Variants in GC observed in about 807,000 individuals in gnomAD.
GC encodes the protein GC vitamin D binding protein, also known as vitamin D-binding protein.
GC carries 43 observed loss-of-function variants against 56.7 expected under a neutral mutation model. The observed-to-expected ratio is 0.76, with a 90% CI of 0.59 to 0.98. The LOEUF (loss-of-function observed/expected upper bound fraction) is 0.98, where lower values mean the gene tolerates loss of function less well. Ranked by LOEUF, GC falls within the 50% of genes least tolerant of loss-of-function variation. The pLI, the probability that GC is intolerant of heterozygous loss-of-function variation, is 0.00. For missense variants in GC, 529 were observed against 545.9 expected, an observed-to-expected ratio of 0.97 and a Z score of 0.31; for synonymous variants, 216 against 202.7, an observed-to-expected ratio of 1.07 and a Z score of -0.56.
chr4:71,781,970 T>G (rs1439824633), intron 1 of GC, among the ~76,000 whole-genome samples: 1 of 151,826 alleles, frequency 6.6e-6, no homozygotes, highest in East Asian at 1.9e-4. Flanking sequence ...AGGGTCAATA[T>G]GTTTAGATAC....
upstream of GC, among the ~76,000 whole-genome samples, chr4:71,805,374 G>T: frequency 6.6e-6 from 1 of 152,142 alleles, no homozygotes; most frequent in East Asian, 1.9e-4. Flanking sequence ...GCAATCTGTT[G>T]CTGAGTTCCT....
intron 1 of GC, among the ~76,000 whole-genome samples, chr4:71,798,162 A>G (rs1168849964): frequency 6.6e-6 from 1 of 152,172 alleles, no homozygotes; most frequent in African/African-American, 2.4e-5. Context: ...ATTTGATTTT[A>G]ATTTATAGTT....
At chr4:71,795,980 T>C (rs1289876941) in intron 1 of GC, among the ~76,000 whole-genome samples, 4 of 152,238 alleles carry the variant, frequency 2.6e-5, no homozygotes, top group Non-Finnish European at 4.4e-5. Flanking sequence ...TTTTGAATAT[T>C]GGCCCCCACT....
chr4:71,772,818 G>T (rs1160055924), intron 1 of GC, among the ~76,000 whole-genome samples: 2 of 152,074 alleles, frequency 1.3e-5, no homozygotes, highest in Non-Finnish European at 2.9e-5. Context: ...GTTGCACCAT[G>T]ATCTTTCAGG....
At chr4:71,797,331 G>C (rs912903860) in intron 1 of GC, among the ~76,000 whole-genome samples, 1 of 152,250 alleles carries the variant, frequency 6.6e-6, no homozygotes, top group Non-Finnish European at 1.5e-5. Flanking sequence ...GCTGAGCTGT[G>C]GTGGGCTCTG....
At chr4:71,762,197 G>A (rs751191857) in intron 6 of GC, among the ~76,000 whole-genome samples, 5 of 152,204 alleles carry the variant, frequency 3.3e-5, no homozygotes, top group African/African-American at 7.2e-5. Context: ...TTGCAGCAAC[G>A]TGAGCTGGAT....
rs112467905 is a variant in GC at position 71,791,181 on chromosome 4, C to T, written c.22-7127G>A. On this transcript the variant is annotated intron_variant, in intron 1 of 13. Transcript: ENST00000504199. ...ATTTAAAAAGCTTACAACAGTATAT[C>T]ATTTACCAATCCCATTGTTTGTACT... 1.7e-4 allele frequency among the ~76,000 whole-genome samples: 26 copies of T among 152,210 alleles called. 2 individuals are homozygous for T. Among genetic ancestry groups the T allele is most frequent in the African/African-American group, 6.3e-4 (26 of 41,540 alleles).
At chr4:71,757,358 C>A (rs144993234) in intron 7 of GC, among the ~76,000 whole-genome samples, 1 of 152,040 alleles carries the variant, frequency 6.6e-6, no homozygotes, top group South Asian at 2.1e-4. Flanking sequence ...CACAGACATG[C>A]ATTTTTAATG....
intron 3 of GC, 33 bp from the exon 4 acceptor site, chr4:71,765,676 A>G: frequency 7.5e-7 from 1 of 1,324,896 alleles, no homozygotes; most frequent in South Asian, 1.2e-5. Context: ...ACTCATATAT[A>G]TATGTAAATT....
rs201290152 is a variant in GC at position 71,756,802 on chromosome 4, A to G, written c.944T>C (p.Met315Thr). ...AAGCTCGGGGAGTTGGGCAGCTGGC[A>G]TGAAGTAAGTGCACACAAAAACGTC... ...AMDVFVCTYF[M>T]PAAQLPELPD... Residue 315 changes from methionine (M) to threonine (T), a missense_variant, in exon 8 of 13, where the codon ATG (methionine) becomes ACG (threonine). Transcript: ENST00000273951. 6.2e-7 allele frequency: 1 copy of G among 1,613,718 alleles called. No individual in the cohort carries two copies. Among genetic ancestry groups the G allele is most frequent in the African/African-American group, 1.3e-5 (1 of 75,048 alleles).
chr4:71,768,352 C>G lies in GC; in HGVS notation c.210G>C (p.Leu70Phe). ...VSQLVKEVVS[L>F]TEACCAEGAD... Reference sequence around the variant, plus strand: ...CCCCTTCCGCACAGCAGGCTTCGGTCAAGGAGACAACTTCCTTCACAAGTT... The same window carrying G: ...CCCCTTCCGCACAGCAGGCTTCGGTGAAGGAGACAACTTCCTTCACAAGTT... Residue 70 changes from leucine (L) to phenylalanine (F), a missense_variant, in exon 3 of 13, where the codon TTG (leucine) becomes TTC (phenylalanine). Physicochemically the swap from Leu to Phe is conservative, Grantham distance 22 (BLOSUM62 0). Transcript: ENST00000273951. 1 of 1,613,434 alleles carries G rather than the reference C, an allele frequency of 6.2e-7. No homozygotes were observed. Among genetic ancestry groups the G allele is most frequent in the African/African-American group, 1.3e-5 (1 of 75,018 alleles).
chr4:71,803,976 C>T, exon 1 of GC: 2 of 1,421,844 alleles, frequency 1.4e-6, no homozygotes, highest in Middle Eastern at 1.7e-4. Context: ...TCCAGATCAT[C>T]ACCAGTGGTA....
At chr4:71,799,842 A>T (rs1450180725) in intron 1 of GC, among the ~76,000 whole-genome samples, 1 of 152,182 alleles carries the variant, frequency 6.6e-6, no homozygotes, top group Non-Finnish European at 1.5e-5. Flanking sequence ...AGTCTAAGCC[A>T]TAGTGTGGCT....
chr4:71,744,304 C>A (rs13142062), intron 12 of GC, among the ~76,000 whole-genome samples: 62,838 of 136,824 alleles, frequency 0.46, 16,399 homozygotes, highest in Middle Eastern at 0.61. Flanking sequence ...AAAAAAAAAA[C>A]CCAAATTAGC....
At position 71,763,501 on chromosome 4, in the gene GC, C is replaced by G; in HGVS notation, c.608G>C (p.Arg203Thr). The G allele has an allele frequency of 6.4e-7, 1 of 1,567,130 alleles. No homozygotes were observed. Among genetic ancestry groups the G allele is most frequent in the Non-Finnish European group, 8.8e-7 (1 of 1,138,494 alleles). Residue 203 changes from arginine to threonine, a missense_variant and splice_region_variant, in exon 6 of 13, where the codon AGA becomes ACA. Coordinates refer to ENST00000273951, the MANE Select transcript of GC (RefSeq NM_000583.4). ...ASPTVCFLKE[R>T]LQLKHLSLLT... is the part of the protein sequence containing the mutation. ...AAGTGATAAATGTTTAAGCTGGAGTCTCTAGAAAACAAGTGAAAGAATCTC... is the reference window on the plus strand; with the variant it reads ...AAGTGATAAATGTTTAAGCTGGAGTGTCTAGAAAACAAGTGAAAGAATCTC...
intron 1 of GC, among the ~76,000 whole-genome samples, chr4:71,770,119 C>T (rs1288772935): frequency 6.6e-6 from 1 of 152,084 alleles, no homozygotes; most frequent in South Asian, 2.1e-4. Context: ...TGACAGGGAG[C>T]TCTTGGAATT....
intron 1 of GC, among the ~76,000 whole-genome samples, chr4:71,797,469 G>T (rs927486816): frequency 2.2e-4 from 34 of 152,364 alleles, no homozygotes; most frequent in African/African-American, 8.2e-4. Flanking sequence ...AGTGAGCAAG[G>T]CTCCATGGGC....
intron 11 of GC, among the ~76,000 whole-genome samples, chr4:71,747,485 G>GTA (rs1458797050): frequency 6.6e-6 from 1 of 152,180 alleles, no homozygotes; most frequent in Non-Finnish European, 1.5e-5. Flanking sequence ...TAATACTACA[G>GTA]GTGCTAAGTA....
intron 8 of GC, 68 bp downstream of exon 8, chr4:71,756,643 TG>T: frequency 9.9e-7 from 1 of 1,011,242 alleles, no homozygotes; most frequent in Non-Finnish European, 1.6e-6. Context: ...TCCCTCCATC[TG>T]GCTGGCCCCC....
Sources: allele counts gnomAD v4.1 joint callset (sites outside exome capture counted in the v4.1 genomes callset), GRCh38; gene constraint gnomAD v4.1.1; transcripts MANE v1.5; gene names NCBI Gene and HGNC (gene_info 2026-07-23, HGNC 2026-07-21).